Variants in CSMD1 observed in about 807,000 individuals in gnomAD.
The protein encoded by CSMD1 is CUB and sushi domain-containing protein 1.
Under a neutral mutation model 417.5 loss-of-function variants are expected in CSMD1, and 213 were observed. The observed-to-expected ratio is 0.51, with a 90% CI of 0.46 to 0.57. The LOEUF is 0.57. Ranked by LOEUF, CSMD1 falls within the 20% of genes least tolerant of loss-of-function variation. The pLI, the probability that CSMD1 is intolerant of heterozygous loss-of-function variation, is 0.00. For missense variants in CSMD1, 6,923 were observed against 4,529.7 expected, an observed-to-expected ratio of 1.53 and a Z score of -15.17; for synonymous variants, 2,862 against 1,736.8, an observed-to-expected ratio of 1.65 and a Z score of -16.11.
chr8:4,682,028 T>A (rs910110983), intron 1 of CSMD1, among the ~76,000 whole-genome samples: 7 of 152,172 alleles, frequency 4.6e-5, no homozygotes, highest in African/African-American at 1.7e-4. Context: ...AATTTGTTGT[T>A]GTTATTTTGA....
intron 46 of CSMD1, among the ~76,000 whole-genome samples, chr8:3,097,814 T>C (rs2129011286): frequency 6.6e-6 from 1 of 152,278 alleles, no homozygotes. Flanking sequence ...TTCGATGTGA[T>C]TGCTCGGGAC....
At chr8:4,863,357 C>T (rs562532824) in intron 1 of CSMD1, among the ~76,000 whole-genome samples, 2 of 152,110 alleles carry the variant, frequency 1.3e-5, no homozygotes, top group Non-Finnish European at 2.9e-5. Context: ...AAGTCCTTGG[C>T]CAACATTATT....
chr8:4,905,819 C>CAAAAAAAAA (rs147276107), intron 1 of CSMD1, among the ~76,000 whole-genome samples: 1 of 94,288 alleles, frequency 1.1e-5, no homozygotes, highest in Admixed American at 1.4e-4. Flanking sequence ...GACTCCATCT[C>CAAAAAAAAA]AAAAAAAAAA....
intron 2 of CSMD1, among the ~76,000 whole-genome samples, chr8:4,489,957 G>T (rs1801617230): frequency 6.6e-6 from 1 of 151,888 alleles, no homozygotes; most frequent in Non-Finnish European, 1.5e-5. Flanking sequence ...TCATTAAGTA[G>T]CAACAGGAAG....
chr8:3,899,264 G>T (rs1027482807), intron 5 of CSMD1, among the ~76,000 whole-genome samples: 2 of 152,164 alleles, frequency 1.3e-5, no homozygotes, highest in Admixed American at 1.3e-4. Context: ...CAAGGGAAAG[G>T]AGCTCCCCGC....
At chr8:3,585,250 T>G (rs1440772875) in intron 9 of CSMD1, among the ~76,000 whole-genome samples, 1 of 152,234 alleles carries the variant, frequency 6.6e-6, no homozygotes, top group African/African-American at 2.4e-5. Flanking sequence ...GACACTATGC[T>G]TGTTGTACCT....
At chr8:3,384,362 T>A (rs934293878) in intron 18 of CSMD1, among the ~76,000 whole-genome samples, 1 of 151,990 alleles carries the variant, frequency 6.6e-6, no homozygotes, top group Non-Finnish European at 1.5e-5. Context: ...TATGTCTTAA[T>A]AGGATATCCC....
chr8:3,833,832 A>G (rs761545700), intron 5 of CSMD1, among the ~76,000 whole-genome samples: 56 of 152,296 alleles, frequency 3.7e-4, no homozygotes, highest in Middle Eastern at 6.8e-3. Context: ...GTTAAACAAT[A>G]TAAGACGTTT....
chr8:4,133,835 C>G (rs1336603031), intron 3 of CSMD1, among the ~76,000 whole-genome samples: 3 of 152,090 alleles, frequency 2.0e-5, no homozygotes, highest in African/African-American at 4.8e-5. Context: ...CTGAAACACA[C>G]ACCTGCTTTG....
intron 2 of CSMD1, among the ~76,000 whole-genome samples, chr8:4,457,627 CAT>C (rs1585109787): frequency 6.6e-6 from 1 of 152,098 alleles, no homozygotes; most frequent in African/African-American, 2.4e-5. Context: ...AGCCAATCAT[CAT>C]AAATATTTAT....
intron 23 of CSMD1, among the ~76,000 whole-genome samples, chr8:3,335,721 C>A (rs1807215631): frequency 6.6e-6 from 1 of 152,142 alleles, no homozygotes; most frequent in Non-Finnish European, 1.5e-5. Flanking sequence ...ACAATGGCTT[C>A]TGTGTATGGA....
Position 3,281,498 on chromosome 8 carries a change from C to T in CSMD1, c.4153+2646G>A, listed in dbSNP as rs188402303. Among the ~76,000 whole-genome samples the T allele has an allele frequency of 1.8e-4, 28 of 152,064 alleles. No homozygotes were observed. The East Asian group carries it at 3.9e-3, about 21-fold the overall frequency. ...TACAACAAGTCAATAGAATATTATT[C>T]GCTGCTAAAAAGAAATGATCCGTAC... On this transcript the variant is annotated intron_variant, in intron 26 of 69. Coordinates refer to ENST00000635120, the MANE Select transcript of CSMD1 (RefSeq NM_033225.6).
intron 1 of CSMD1, among the ~76,000 whole-genome samples, chr8:4,676,956 A>T (rs928292876): frequency 6.1e-5 from 9 of 146,946 alleles, no homozygotes; most frequent in Admixed American, 4.8e-4. Flanking sequence ...AATTATATAT[A>T]TCTATCATAT....
chr8:4,459,960 C>A (rs886979588), intron 2 of CSMD1, among the ~76,000 whole-genome samples: 19 of 152,090 alleles, frequency 1.2e-4, no homozygotes, highest in African/African-American at 3.9e-4. Flanking sequence ...AGGAACAGAA[C>A]AATCTAGCCA....
intron 1 of CSMD1, among the ~76,000 whole-genome samples, chr8:4,660,190 A>T (rs1489880244): frequency 1.3e-5 from 2 of 152,046 alleles, no homozygotes; most frequent in African/African-American, 4.8e-5. Context: ...ATATTTAAAG[A>T]TGACATAATG....
chr8:3,551,916 T>C (rs1405189289), intron 10 of CSMD1, among the ~76,000 whole-genome samples: 2 of 152,152 alleles, frequency 1.3e-5, no homozygotes, highest in Admixed American at 1.3e-4. Context: ...CCTGTGTCAG[T>C]CCAGACGTGG....
chr8:4,709,541 G>C (rs1002645418), intron 1 of CSMD1, among the ~76,000 whole-genome samples: 2 of 152,230 alleles, frequency 1.3e-5, no homozygotes, highest in Non-Finnish European at 2.9e-5. Flanking sequence ...GAGACCTCGA[G>C]GCTGGAGCCT....
intron 2 of CSMD1, among the ~76,000 whole-genome samples, chr8:4,506,917 A>AT (rs1298911654): frequency 6.6e-6 from 1 of 152,168 alleles, no homozygotes; most frequent in African/African-American, 2.4e-5. Flanking sequence ...TCTTAGGTAC[A>AT]TTTTTCTGTC....
intron 3 of CSMD1, among the ~76,000 whole-genome samples, chr8:4,196,761 C>T (rs1045392864): frequency 6.6e-6 from 1 of 152,168 alleles, no homozygotes; most frequent in African/African-American, 2.4e-5. Flanking sequence ...TTTATCTTAT[C>T]TGTAAACCCC....
Sources: allele counts gnomAD v4.1 joint callset (sites outside exome capture counted in the v4.1 genomes callset), GRCh38; gene constraint gnomAD v4.1.1; transcripts MANE v1.5; gene names NCBI Gene and HGNC (gene_info 2026-07-23, HGNC 2026-07-21).